MTHFD2L: variants seen among roughly 807,000 people sequenced by gnomAD.
The protein encoded by MTHFD2L is bifunctional methylenetetrahydrofolate dehydrogenase/cyclohydrolase 2, mitochondrial.
A neutral mutation model predicts 34.9 loss-of-function variants in MTHFD2L; 29 were observed. The observed-to-expected ratio is 0.83, with a 90% CI of 0.62 to 1.13. The LOEUF is 1.13. Among genes scored for constraint, MTHFD2L ranks in the 50% most tolerant of loss-of-function variants. The pLI, the probability that MTHFD2L is intolerant of heterozygous loss-of-function variation, is 0.00. For missense variants in MTHFD2L, 481 were observed against 446.5 expected, an observed-to-expected ratio of 1.08 and a Z score of -0.70; for synonymous variants, 167 against 155.7, an observed-to-expected ratio of 1.07 and a Z score of -0.54.
At chr4:74,236,810 A>G (rs1740906703) in intron 6 of MTHFD2L, among the ~76,000 whole-genome samples, 1 of 152,218 alleles carries the variant, frequency 6.6e-6, no homozygotes, top group Admixed American at 6.5e-5. Context: ...CACTTCATCA[A>G]GAGACTCCAA....
At chr4:74,267,775 C>A (rs1745497988) in intron 6 of MTHFD2L, 1 of 985,202 alleles carries the variant, frequency 1.0e-6, no homozygotes, top group East Asian at 1.1e-4. Context: ...CATTTGGACC[C>A]CACAGGTCCA....
intron 5 of MTHFD2L, among the ~76,000 whole-genome samples, chr4:74,204,874 G>A (rs1222865685): frequency 6.6e-6 from 1 of 152,040 alleles, no homozygotes; most frequent in African/African-American, 2.4e-5. Flanking sequence ...AATTGATGGT[G>A]GCAGTGACCT....
In MTHFD2L at chr4:74,233,496, G is replaced by A. The variant is rs147086884; in HGVS notation, c.805+8102G>A. Among the ~76,000 whole-genome samples the A allele has an allele frequency of 2.0e-5, 3 of 152,210 alleles. No homozygotes were observed. In the East Asian group the frequency reaches 5.8e-4, roughly 29 times the overall value. On this transcript the variant is annotated intron_variant, in intron 6 of 7. Coordinates refer to ENST00000325278, the MANE Select transcript of MTHFD2L (RefSeq NM_001144978.3). ...CCTTAGCACATAATGGCTACTAAGT[G>A]AAGGTAGTTTCCCTTCCCTTCATTC...
At chr4:74,237,629 T>C (rs1269141693) in intron 6 of MTHFD2L, among the ~76,000 whole-genome samples, 1 of 152,056 alleles carries the variant, frequency 6.6e-6, no homozygotes, top group Admixed American at 6.6e-5. Context: ...AAAGAAGAAG[T>C]CAAGTGCTTA....
upstream of MTHFD2L, chr4:74,157,304 C>G (rs1437355072): frequency 4.1e-6 from 1 of 244,852 alleles, no homozygotes; most frequent in Non-Finnish European, 8.1e-6. Flanking sequence ...TCTGACTCAA[C>G]AGCAGCAGCC....
At chr4:74,235,861 C>A (rs186707739) in intron 6 of MTHFD2L, among the ~76,000 whole-genome samples, 3 of 152,034 alleles carry the variant, frequency 2.0e-5, no homozygotes, top group Admixed American at 1.3e-4. Flanking sequence ...CGACCTTTAT[C>A]GGCTTGAAAG....
chr4:74,118,169 A>T (rs1382396416), intron 2 of MTHFD2L, among the ~76,000 whole-genome samples: 3 of 152,210 alleles, frequency 2.0e-5, no homozygotes, highest in Non-Finnish European at 4.4e-5. Flanking sequence ...AATTAAGCTT[A>T]GTAAAATATC....
At chr4:74,154,604 T>C (rs1204302098), upstream of MTHFD2L, among the ~76,000 whole-genome samples, 1 of 152,186 alleles carries the variant, frequency 6.6e-6, no homozygotes, top group African/African-American at 2.4e-5. Context: ...AGTTGGCTCC[T>C]GTCCCTGACA....
intron 6 of MTHFD2L, among the ~76,000 whole-genome samples, chr4:74,259,166 T>A (rs2110217651): frequency 6.6e-6 from 1 of 152,300 alleles, no homozygotes; most frequent in Non-Finnish European, 1.5e-5. Flanking sequence ...GATCCCAGTC[T>A]GGCATCTCTC....
chr4:74,299,597 A>G (rs1383563336), intron 7 of MTHFD2L, among the ~76,000 whole-genome samples: 1 of 152,070 alleles, frequency 6.6e-6, no homozygotes, highest in Non-Finnish European at 1.5e-5. Flanking sequence ...CAAGTTTTTC[A>G]GTAAATTAGC....
intron 5 of MTHFD2L, among the ~76,000 whole-genome samples, chr4:74,212,034 C>T (rs1736410541): frequency 6.6e-6 from 1 of 151,816 alleles, no homozygotes; most frequent in Non-Finnish European, 1.5e-5. Context: ...TGGCAATATC[C>T]CCTTTATCAT....
chr4:74,153,572 T>C (rs571627225), upstream of MTHFD2L, among the ~76,000 whole-genome samples: 96 of 152,304 alleles, frequency 6.3e-4, no homozygotes, highest in African/African-American at 1.9e-3. Context: ...TAGAAGCACA[T>C]TGAGGATTAA....
At chr4:74,176,397 C>G (rs531333097) in intron 3 of MTHFD2L, among the ~76,000 whole-genome samples, 3 of 152,188 alleles carry the variant, frequency 2.0e-5, no homozygotes, top group East Asian at 3.9e-4. Context: ...TTCAGATCTT[C>G]TACTTACATC....
chr4:74,292,202 G>T (rs545724641), intron 7 of MTHFD2L, among the ~76,000 whole-genome samples: 17 of 152,314 alleles, frequency 1.1e-4, no homozygotes, highest in African/African-American at 4.1e-4. Flanking sequence ...TTACTGTGAA[G>T]TCTAGGCCTT....
chr4:74,182,032 T>A (rs1319170761), intron 3 of MTHFD2L, among the ~76,000 whole-genome samples: 7 of 151,904 alleles, frequency 4.6e-5, no homozygotes, highest in African/African-American at 1.7e-4. Context: ...GAGTGGGAAT[T>A]TTTTTTTATC....
intron 5 of MTHFD2L, among the ~76,000 whole-genome samples, chr4:74,203,920 T>C (rs1367998500): frequency 6.6e-6 from 1 of 151,910 alleles, no homozygotes; most frequent in African/African-American, 2.4e-5. Flanking sequence ...TCATTTGCAA[T>C]GTTGTTTTTA....
intron 6 of MTHFD2L, among the ~76,000 whole-genome samples, chr4:74,238,170 T>C (rs1306053908): frequency 6.6e-6 from 1 of 152,188 alleles, no homozygotes; most frequent in South Asian, 2.1e-4. Context: ...TAATAATCCA[T>C]ACAGAGGTGG....
intron 6 of MTHFD2L, among the ~76,000 whole-genome samples, chr4:74,252,697 TC>T (rs1215660686): frequency 1.3e-5 from 2 of 151,960 alleles, no homozygotes; most frequent in Non-Finnish European, 2.9e-5. Context: ...ACTGAACTCA[TC>T]CCAGAATTCA....
chr4:74,277,870 C>A (rs1667291793), intron 6 of MTHFD2L, among the ~76,000 whole-genome samples: 1 of 151,844 alleles, frequency 6.6e-6, no homozygotes, highest in South Asian at 2.1e-4. Context: ...TTTAACCATT[C>A]CTCTAGTGCA....
Sources: allele counts gnomAD v4.1 joint callset (sites outside exome capture counted in the v4.1 genomes callset), GRCh38; gene constraint gnomAD v4.1.1; transcripts MANE v1.5; gene names NCBI Gene and HGNC (gene_info 2026-07-23, HGNC 2026-07-21).